Variants in L3MBTL1 observed in about 807,000 individuals in gnomAD.
L3MBTL1 encodes L3MBTL histone methyl-lysine binding protein 1.
L3MBTL1 carries 75 observed loss-of-function variants against 105.3 expected under a neutral mutation model. The observed-to-expected ratio is 0.71, with a 90% CI of 0.59 to 0.86. L3MBTL1 has a LOEUF of 0.86. Ranked by LOEUF, L3MBTL1 falls within the 40% of genes least tolerant of loss-of-function variation. L3MBTL1 has a pLI of 0.00. For synonymous variants in L3MBTL1, 452 were observed against 436.2 expected (o/e 1.04, Z -0.45); for missense variants, 1,069 against 1,126.4 (o/e 0.95, Z 0.73).
At chr20:43,530,945 G>T in intron 11 of L3MBTL1, 56 bp downstream of exon 11, 2 of 1,439,636 alleles carry the variant, frequency 1.4e-6, no homozygotes, top group African/African-American at 2.8e-5. Flanking sequence ...GTTCACTGCA[G>T]CTGGCCCAGG....
At chr20:43,529,752 C>T (rs946774459) in intron 9 of L3MBTL1, among the ~76,000 whole-genome samples, 1 of 152,170 alleles carries the variant, frequency 6.6e-6, no homozygotes, top group African/African-American at 2.4e-5. Flanking sequence ...TGGGTCAGTT[C>T]TGTCTGAGGA....
intron 7 of L3MBTL1, among the ~76,000 whole-genome samples, chr20:43,524,549 A>G (rs2018915756): frequency 6.6e-6 from 1 of 152,198 alleles, no homozygotes; most frequent in Non-Finnish European, 1.5e-5. Context: ...CACAGAACAA[A>G]CTCTGCCTGC....
chr20:43,547,645 C>G (rs1442073356), intron 18 of L3MBTL1, among the ~76,000 whole-genome samples: 1 of 152,156 alleles, frequency 6.6e-6, no homozygotes, highest in Non-Finnish European at 1.5e-5. Context: ...CTAGGTGATA[C>G]TATGTACTTT....
intron 19 of L3MBTL1, among the ~76,000 whole-genome samples, chr20:43,537,247 C>T (rs6073122): frequency 0.036 from 5,505 of 152,356 alleles, 134 homozygotes; most frequent in Non-Finnish European, 0.053. Context: ...GACTGGGTGG[C>T]TTACACAATA....
rs750439345 is a variant in L3MBTL1, at chr20:43,541,014, A to G, written c.2475A>G (p.Ser825=). 18 of 1,614,200 alleles carry G rather than the reference A, an allele frequency of 1.1e-5. No individual in the cohort carries two copies. The highest frequency in any genetic ancestry group is 1.4e-5 in the Non-Finnish European group (17 of 1,180,044). The change falls in exon 22 of 22, where the codon TCA becomes TCG. Residue 825 remains serine (S), a synonymous_variant. Transcript: ENST00000418998. The stretch of plus-strand genomic sequence containing the variant: ...CCCAGCTTGGGGACCTTGTGTGCTC[A>G]GATCATCTTCAGGAAGGAAAAGGCA... The part of the protein sequence containing the change: ...TVAQLGDLVC[S]DHLQEGKGIL...
At chr20:43,517,578 T>C (rs1415816068) in intron 7 of L3MBTL1, among the ~76,000 whole-genome samples, 1 of 152,192 alleles carries the variant, frequency 6.6e-6, no homozygotes, top group Non-Finnish European at 1.5e-5. Context: ...CTTGTATCTG[T>C]TTTATTAATC....
chr20:43,513,855 G>T lies in L3MBTL1; in HGVS notation c.154G>T (p.Gly52Cys), dbSNP rs776041364. 2.3e-5 allele frequency: 36 copies of T among 1,550,476 alleles called. No homozygotes were observed. Among genetic ancestry groups the T allele is most frequent in the Non-Finnish European group, 2.9e-5 (33 of 1,146,984 alleles). Residue 52 changes from glycine to cysteine, a missense_variant, in exon 3 of 22, where the codon GGC becomes TGC. Coordinates refer to ENST00000418998, the MANE Select transcript of L3MBTL1 (RefSeq NM_001377303.1). ...FIIPASSATL[G>C]LPSSALDVSC... ...GTTTACAGCCAGTTCGGCCACCCTC[G>T]GCCTGCCCAGCAGTGCCCTGGATGT...
chr20:43,513,769 T>C, intron 2 of L3MBTL1, 69 bp from the exon 3 acceptor site: 2 of 1,533,654 alleles, frequency 1.3e-6, no homozygotes, highest in Admixed American at 2.0e-5. Flanking sequence ...TGCCTACACA[T>C]GCATGGCCGG....
At position 43,534,409 on chromosome 20, in the gene L3MBTL1, C is replaced by G. The variant is rs746012256; in HGVS notation, c.1710+15C>G. On this transcript the variant is annotated intron_variant, in intron 15 of 21. Coordinates refer to ENST00000418998, the MANE Select transcript of L3MBTL1 (RefSeq NM_001377303.1). ...ATCGGATAAAGGTGGCTCTGGGACC[C>G]TAGGGCTGGGAAGTGGACAGGCCAG... The G allele has an allele frequency of 6.2e-7, 1 of 1,609,484 alleles. No individual in the cohort carries two copies. Among genetic ancestry groups the G allele is most frequent in the Non-Finnish European group, 8.5e-7 (1 of 1,176,008 alleles).
At chr20:43,540,415 A>T in intron 20 of L3MBTL1, 107 bp downstream of exon 20, 1 of 1,275,764 alleles carries the variant, frequency 7.8e-7, no homozygotes, top group Non-Finnish European at 1.1e-6. Flanking sequence ...CACTCCTGGC[A>T]CTACCTCTTG....
intron 9 of L3MBTL1, among the ~76,000 whole-genome samples, chr20:43,530,029 G>A (rs924452384): frequency 6.6e-6 from 1 of 152,170 alleles, no homozygotes; most frequent in Admixed American, 6.5e-5. Context: ...ATTCTGTCCA[G>A]GGCTCAAAAG....
chr20:43,540,639 TG>T, intron 20 of L3MBTL1, 113 bp from the exon 21 acceptor site: 1 of 1,022,084 alleles, frequency 9.8e-7, no homozygotes, highest in Non-Finnish European at 1.5e-6. Flanking sequence ...CCTTTTAGGC[TG>T]GTGAGAAAAA....
chr20:43,527,964 C>T (rs1184235281), intron 7 of L3MBTL1, among the ~76,000 whole-genome samples: 1 of 152,166 alleles, frequency 6.6e-6, no homozygotes, highest in African/African-American at 2.4e-5. Flanking sequence ...GCGATCTTGG[C>T]TCACTGCAAC....
chr20:43,532,982 C>G, intron 12 of L3MBTL1, 58 bp downstream of exon 12: 1 of 1,563,430 alleles, frequency 6.4e-7, no homozygotes, highest in Non-Finnish European at 8.8e-7. Flanking sequence ...GGGGCAACTG[C>G]TTTCATATCT....
In L3MBTL1 at chr20:43,515,413, A is replaced by G. The variant is rs780110912; in HGVS notation, c.775A>G (p.Met259Val). Residue 259 changes from methionine to valine, a missense_variant and splice_region_variant, in exon 6 of 22, where the codon ATG becomes GTG. Coordinates refer to ENST00000418998, the MANE Select transcript of L3MBTL1 (RefSeq NM_001377303.1). ...AGAGGAGGAGTCGGAGCCAGAGGCC[A>G]TGGTAGGAAGAGGGCAGTGGGGAAG... Reference protein sequence around the residue: ...PSEEESEPEAMEKQEEGKDPE... With the variant: ...PSEEESEPEAVEKQEEGKDPE... The G allele has an allele frequency of 5.1e-6, 8 of 1,555,810 alleles. No homozygotes were observed. The African/African-American group carries it at 8.2e-5, about 16-fold the overall frequency.
intron 19 of L3MBTL1, 101 bp from the exon 20 acceptor site, chr20:43,540,050 T>C (rs1470083646): frequency 1.4e-6 from 2 of 1,418,492 alleles, no homozygotes; most frequent in East Asian, 2.4e-5. Context: ...GAGTCCTGTC[T>C]ACTCTGCCAG....
intron 7 of L3MBTL1, among the ~76,000 whole-genome samples, chr20:43,525,100 G>A (rs2018957780): frequency 7.0e-6 from 1 of 143,704 alleles, no homozygotes; most frequent in Non-Finnish European, 1.5e-5. Flanking sequence ...TAGAATGGAA[G>A]GATCCTGGGG....
At chr20:43,544,017 T>C (rs1470805758), downstream of L3MBTL1, among the ~76,000 whole-genome samples, 2 of 152,206 alleles carry the variant, frequency 1.3e-5, no homozygotes, top group African/African-American at 4.8e-5. Flanking sequence ...TTGTAAGTTG[T>C]TGCTCCTGGT....
chr20:43,510,918 C>T (rs2018118115), intron 1 of L3MBTL1, among the ~76,000 whole-genome samples: 1 of 151,992 alleles, frequency 6.6e-6, no homozygotes, highest in African/African-American at 2.4e-5. Context: ...GAGACAGAGT[C>T]TCCCTGTGTT....
Sources: gnomAD v4.1 joint callset for allele counts (sites outside exome capture counted in the v4.1 genomes callset) on GRCh38, gnomAD v4.1.1 for gene constraint, MANE v1.5 for transcripts, NCBI Gene and HGNC (gene_info 2026-07-23, HGNC 2026-07-21) for gene names.